Variants in CUX1 observed in about 807,000 individuals in gnomAD.
The protein encoded by CUX1 is protein CASP.
In CUX1, 31 loss-of-function variants were observed where a neutral mutation model predicts 158.8. That is an observed-to-expected ratio of 0.20 (90% CI 0.15 to 0.26). The LOEUF is 0.26. CUX1 is among the 10% of genes least tolerant of loss of function. CUX1 has a pLI of 1.00. For synonymous variants in CUX1, 879 were observed against 862.1 expected (o/e 1.02, Z -0.34); for missense variants, 1,589 against 2,014.6 (o/e 0.79, Z 4.04).
chr7:102,225,596 G>T (rs1238032197), intron 20 of CUX1, among the ~76,000 whole-genome samples: 1 of 152,200 alleles, frequency 6.6e-6, no homozygotes, highest in Non-Finnish European at 1.5e-5. Context: ...AGGCACAGTG[G>T]CTCCTGCCTG....
intron 23 of CUX1, among the ~76,000 whole-genome samples, chr7:102,242,281 G>A (rs782708132): frequency 2.1e-5 from 3 of 146,172 alleles, no homozygotes; most frequent in Non-Finnish European, 4.5e-5. Flanking sequence ...GCACGATCTC[G>A]GCTCACTGCA....
intron 1 of CUX1, among the ~76,000 whole-genome samples, chr7:101,841,158 G>A (rs937623334): frequency 6.6e-5 from 10 of 152,172 alleles, no homozygotes; most frequent in Non-Finnish European, 1.3e-4. Context: ...CTCCCAAAGT[G>A]CTGGGATTAC....
intron 2 of CUX1, among the ~76,000 whole-genome samples, chr7:101,958,331 G>A (rs1344264696): frequency 1.3e-5 from 2 of 151,040 alleles, no homozygotes; most frequent in Admixed American, 6.6e-5. Flanking sequence ...TGGGAACTGG[G>A]CCCTACTTGG....
At chr7:102,156,921 C>T (rs1284047262) in intron 8 of CUX1, among the ~76,000 whole-genome samples, 1 of 152,198 alleles carries the variant, frequency 6.6e-6, no homozygotes, top group Non-Finnish European at 1.5e-5. Flanking sequence ...AAACTCAAAC[C>T]TGGAAACTAG....
chr7:102,100,290 G>T (rs1554485952), intron 5 of CUX1, among the ~76,000 whole-genome samples: 1 of 152,076 alleles, frequency 6.6e-6, no homozygotes, highest in Non-Finnish European at 1.5e-5. Context: ...AAAAAGAATG[G>T]CTCTGGAGGC....
At chr7:102,193,267 CA>C (rs1794469328) in intron 12 of CUX1, among the ~76,000 whole-genome samples, 2 of 152,208 alleles carry the variant, frequency 1.3e-5, no homozygotes, top group Non-Finnish European at 2.9e-5. Context: ...CCACTTGCAA[CA>C]ATGTTATGTC....
At chr7:101,836,237 C>T (rs1794614415) in intron 1 of CUX1, among the ~76,000 whole-genome samples, 1 of 152,214 alleles carries the variant, frequency 6.6e-6, no homozygotes, top group Non-Finnish European at 1.5e-5. Flanking sequence ...CGTTCCATCT[C>T]TCTCTCTTCT....
At chr7:102,183,888 C>G (rs1793379718) in intron 11 of CUX1, among the ~76,000 whole-genome samples, 1 of 152,188 alleles carries the variant, frequency 6.6e-6, no homozygotes, top group Non-Finnish European at 1.5e-5. Flanking sequence ...TTAGTCAGAC[C>G]TGCCAGAGGC....
At chr7:101,837,600 G>A (rs1161984302) in intron 1 of CUX1, among the ~76,000 whole-genome samples, 1 of 151,876 alleles carries the variant, frequency 6.6e-6, no homozygotes, top group Non-Finnish European at 1.5e-5. Flanking sequence ...AGGCTGAGGC[G>A]GGTGGATTGC....
intron 16 of CUX1, chr7:102,275,163 C>A: frequency 2.1e-6 from 2 of 959,000 alleles, no homozygotes; most frequent in Non-Finnish European, 1.6e-6. Flanking sequence ...AGAAATCCCC[C>A]AGGGCTGGGG....
chr7:102,151,763 G>C (rs1257456094), intron 8 of CUX1, among the ~76,000 whole-genome samples: 1 of 144,122 alleles, frequency 6.9e-6, no homozygotes, highest in African/African-American at 2.6e-5. Flanking sequence ...AAAAAACCTG[G>C]TTGGGAGGTG....
chr7:101,918,576 G>A (rs913756935), intron 2 of CUX1, among the ~76,000 whole-genome samples: 2 of 152,210 alleles, frequency 1.3e-5, no homozygotes, highest in Admixed American at 6.5e-5. Flanking sequence ...CTGTAGTAAC[G>A]AGGGTCTCAC....
At chr7:101,935,391 C>G (rs1806795603) in intron 2 of CUX1, among the ~76,000 whole-genome samples, 1 of 152,188 alleles carries the variant, frequency 6.6e-6, no homozygotes. Flanking sequence ...CTTTATTGCT[C>G]ACACAAAGCC....
At chr7:102,216,750 GCA>G (rs1212478117) in intron 20 of CUX1, among the ~76,000 whole-genome samples, 11 of 107,946 alleles carry the variant, frequency 1.0e-4, no homozygotes, top group African/African-American at 2.7e-4. Flanking sequence ...ACACACTTCT[GCA>G]CACACACACT....
intron 2 of CUX1, among the ~76,000 whole-genome samples, chr7:101,995,292 C>G (rs1815705382): frequency 6.6e-6 from 1 of 152,182 alleles, no homozygotes; most frequent in South Asian, 2.1e-4. Context: ...GCCACGTGGA[C>G]TCCAGAAAAC....
At chr7:102,244,906 A>G (rs782703104) in intron 23 of CUX1, among the ~76,000 whole-genome samples, 4 of 152,226 alleles carry the variant, frequency 2.6e-5, no homozygotes, top group South Asian at 2.1e-4. Context: ...TTTCTAGGCC[A>G]GAAGACAGTA....
chr7:101,965,596 C>T (rs1811081575), intron 2 of CUX1, among the ~76,000 whole-genome samples: 1 of 151,862 alleles, frequency 6.6e-6, no homozygotes, highest in South Asian at 2.1e-4. Context: ...GCCTGTAATC[C>T]CAGCACTTTG....
chr7:102,026,128 A>ATG (rs1375231321), intron 2 of CUX1, among the ~76,000 whole-genome samples: 1 of 152,074 alleles, frequency 6.6e-6, no homozygotes, highest in Non-Finnish European at 1.5e-5. Context: ...GCAGTGAGCT[A>ATG]TGATCACACC....
intron 13 of CUX1, among the ~76,000 whole-genome samples, chr7:102,195,251 A>C (rs10241766): frequency 0.029 from 3,762 of 128,998 alleles, 151 homozygotes; most frequent in African/African-American, 0.1. Flanking sequence ...GAGAATAATT[A>C]ATTTTTTTAG....
Sources: allele counts gnomAD v4.1 joint callset (sites outside exome capture counted in the v4.1 genomes callset), GRCh38; gene constraint gnomAD v4.1.1; transcripts MANE v1.5; gene names NCBI Gene and HGNC (gene_info 2026-07-23, HGNC 2026-07-21).